The following TMEM182 variants were observed in gnomAD, a reference collection of about 807,000 sequenced individuals.
TMEM182 encodes the protein transmembrane protein 182.
In TMEM182, 20 loss-of-function variants were observed where a neutral mutation model predicts 26.8. The ratio of observed to expected loss-of-function variants is 0.75; its 90% CI spans 0.53 to 1.09. The LOEUF is 1.09. Ranked by LOEUF, TMEM182 falls within the 50% of genes least tolerant of loss-of-function variation. TMEM182 has a pLI of 0.00. For missense variants in TMEM182, 277 were observed against 275.5 expected, an observed-to-expected ratio of 1.01 and a Z score of -0.04; for synonymous variants, 109 against 102.2, an observed-to-expected ratio of 1.07 and a Z score of -0.40.
At chr2:102,752,947 C>A (rs747882100) in intron 1 of TMEM182, among the ~76,000 whole-genome samples, 9 of 152,158 alleles carry the variant, frequency 5.9e-5, no homozygotes, top group Admixed American at 2.0e-4. Flanking sequence ...ATGTAATATG[C>A]AAGCTTAGAA....
intron 3 of TMEM182, among the ~76,000 whole-genome samples, chr2:102,826,355 C>T (rs530284270): frequency 3.6e-5 from 5 of 139,904 alleles, no homozygotes; most frequent in African/African-American, 1.1e-4. Flanking sequence ...ATTAGAGCGG[C>T]GGTGGGGGCT....
At chr2:102,770,281 C>A (rs1322501085) in intron 3 of TMEM182, among the ~76,000 whole-genome samples, 1 of 152,138 alleles carries the variant, frequency 6.6e-6, no homozygotes, top group African/African-American at 2.4e-5. Context: ...GGAATTGGAT[C>A]ATAAGCCAAT....
intron 1 of TMEM182, among the ~76,000 whole-genome samples, chr2:102,744,171 G>A (rs986618603): frequency 6.6e-6 from 1 of 152,098 alleles, no homozygotes; most frequent in Non-Finnish European, 1.5e-5. Context: ...CATAAAATAC[G>A]TTTTAACAAG....
At chr2:102,747,894 C>T (rs543607818) in intron 1 of TMEM182, among the ~76,000 whole-genome samples, 1 of 152,372 alleles carries the variant, frequency 6.6e-6, no homozygotes, top group East Asian at 1.9e-4. Flanking sequence ...GCTACCTCCT[C>T]TGCTGCCTTT....
At chr2:102,797,013 A>G (rs1573545598) in intron 3 of TMEM182, among the ~76,000 whole-genome samples, 2 of 152,354 alleles carry the variant, frequency 1.3e-5, no homozygotes, top group South Asian at 4.1e-4. Context: ...TTTGGAAATG[A>G]TGAAATTGGT....
At chr2:102,835,100 A>T (rs1459885112) in intron 3 of TMEM182, among the ~76,000 whole-genome samples, 1 of 152,196 alleles carries the variant, frequency 6.6e-6, no homozygotes, top group Admixed American at 6.5e-5. Context: ...ACCCAAGATC[A>T]GGGAGAAGTG....
intron 3 of TMEM182, among the ~76,000 whole-genome samples, chr2:102,774,464 CGT>C: frequency 6.6e-6 from 1 of 151,024 alleles, no homozygotes; most frequent in East Asian, 1.9e-4. Flanking sequence ...GGGGTTTCAC[CGT>C]GTGTTAGCCA....
chr2:102,776,712 C>T (rs1680929995), intron 3 of TMEM182, among the ~76,000 whole-genome samples: 1 of 152,128 alleles, frequency 6.6e-6, no homozygotes, highest in East Asian at 1.9e-4. Context: ...TGAGAGCATG[C>T]TTAAAGAAGC....
chr2:102,804,122 T>C (rs972928160), intron 4 of TMEM182, among the ~76,000 whole-genome samples: 2 of 152,206 alleles, frequency 1.3e-5, no homozygotes, highest in Non-Finnish European at 2.9e-5. Flanking sequence ...TTCTTTTTTT[T>C]CCTTCACATT....
chr2:102,805,792 C>G (rs1682322037), intron 4 of TMEM182, among the ~76,000 whole-genome samples: 1 of 151,978 alleles, frequency 6.6e-6, no homozygotes, highest in African/African-American at 2.4e-5. Context: ...GCCTGCAGTC[C>G]CAGCTACTCG....
At chr2:102,830,804 AT>A (rs879233987) in intron 3 of TMEM182, among the ~76,000 whole-genome samples, 5 of 151,948 alleles carry the variant, frequency 3.3e-5, no homozygotes, top group Middle Eastern at 3.4e-3. Context: ...CTTTATAACT[AT>A]TTTTTTTCAT....
At chr2:102,838,861 G>T (rs1032908597) in intron 3 of TMEM182, among the ~76,000 whole-genome samples, 1 of 152,200 alleles carries the variant, frequency 6.6e-6, no homozygotes, top group Non-Finnish European at 1.5e-5. Flanking sequence ...GCAAGAGAAT[G>T]AATTTGAGAT....
chr2:102,822,454 G>A (rs1682941616), downstream of TMEM182, among the ~76,000 whole-genome samples: 1 of 152,104 alleles, frequency 6.6e-6, no homozygotes, highest in African/African-American at 2.4e-5. Context: ...GTAGGACAAG[G>A]AAAAAAGGTG....
intron 4 of TMEM182, among the ~76,000 whole-genome samples, chr2:102,802,730 T>C (rs1054749887): frequency 6.6e-6 from 1 of 152,184 alleles, no homozygotes; most frequent in Admixed American, 6.5e-5. Context: ...CAAAGCAACA[T>C]CAACACAGCA....
chr2:102,823,884 G>A (rs73944438), intron 3 of TMEM182, among the ~76,000 whole-genome samples: 6,423 of 152,276 alleles, frequency 0.042, 461 homozygotes, highest in African/African-American at 0.15. Flanking sequence ...TTTCTGTCTA[G>A]GGCCAATCAA....
At chr2:102,837,059 T>G (rs1573582320) in intron 3 of TMEM182, among the ~76,000 whole-genome samples, 1 of 152,210 alleles carries the variant, frequency 6.6e-6, no homozygotes, top group Non-Finnish European at 1.5e-5. Flanking sequence ...GTCTGTGTTA[T>G]TATGGTACCT....
At chr2:102,797,838 T>C in intron 3 of TMEM182, 25 bp from the exon 4 acceptor site, 1 of 1,593,590 alleles carries the variant, frequency 6.3e-7, no homozygotes, top group Non-Finnish European at 8.5e-7. Flanking sequence ...TTCTTTCTTT[T>C]CTCTTTTCCT....
At chr2:102,738,904 T>A (rs1679464662) in intron 1 of TMEM182, among the ~76,000 whole-genome samples, 1 of 152,104 alleles carries the variant, frequency 6.6e-6, no homozygotes, top group African/African-American at 2.4e-5. Flanking sequence ...CCAAAAGTTT[T>A]GGAAAAATGA....
chr2:102,786,404 G>A (rs962212607), intron 3 of TMEM182, among the ~76,000 whole-genome samples: 4 of 151,962 alleles, frequency 2.6e-5, no homozygotes, highest in Admixed American at 2.0e-4. Flanking sequence ...TAGAAGAGAC[G>A]AGGTTTCACC....
Sources: gnomAD v4.1 joint callset for allele counts (sites outside exome capture counted in the v4.1 genomes callset) on GRCh38, gnomAD v4.1.1 for gene constraint, MANE v1.5 for transcripts, NCBI Gene and HGNC (gene_info 2026-07-23, HGNC 2026-07-21) for gene names.